MET: variants seen among roughly 807,000 people sequenced by gnomAD.
MET encodes hepatocyte growth factor receptor.
MET carries 48 observed loss-of-function variants against 133.1 expected under a neutral mutation model. That is an observed-to-expected ratio of 0.36 (90% CI 0.29 to 0.46). MET has a LOEUF of 0.46. Among genes scored for constraint, MET ranks in the 20% least tolerant of loss-of-function variants. MET has a pLI of 1.00. For missense variants in MET, 1,442 were observed against 1,695.9 expected (o/e 0.85, Z 2.63); for synonymous variants, 628 against 616.5 (o/e 1.02, Z -0.28).
rs1791464742 is a variant in MET at position 116,699,256 on chromosome 7, C to A, written c.172C>A (p.His58Asn). ...AACACCCATCCAGAATGTCATTCTA[C>A]ATGAGCATCACATTTTCCTTGGTGC... ...AETPIQNVILHEHHIFLGATN... is the reference protein window; with the variant it reads ...AETPIQNVILNEHHIFLGATN... Residue 58 changes from histidine to asparagine, a missense_variant, in exon 2 of 21, where the codon CAT (histidine) becomes AAT (asparagine). Transcript: ENST00000397752. 1 of 1,614,016 alleles carries A rather than the reference C, an allele frequency of 6.2e-7. No homozygotes were observed. The highest frequency in any genetic ancestry group is 1.3e-5 in the African/African-American group (1 of 75,024).
chr7:116,781,252 G>C (rs1406551909), intron 17 of MET, among the ~76,000 whole-genome samples: 1 of 152,062 alleles, frequency 6.6e-6, no homozygotes, highest in Non-Finnish European at 1.5e-5. Flanking sequence ...CTCTCTCTCT[G>C]CCTCTAGAGC....
At chr7:116,730,719 T>C (rs1208537624) in intron 2 of MET, among the ~76,000 whole-genome samples, 1 of 152,080 alleles carries the variant, frequency 6.6e-6, no homozygotes, top group Non-Finnish European at 1.5e-5. Flanking sequence ...ATTTCTGACT[T>C]GTGCACCTGG....
At chr7:116,732,667 C>T (rs565225885) in intron 3 of MET, among the ~76,000 whole-genome samples, 19 of 152,236 alleles carry the variant, frequency 1.2e-4, no homozygotes, top group South Asian at 2.1e-4. Context: ...AGGGAGATTT[C>T]GTAATTGTCT....
chr7:116,778,535 A>G (rs747055891), intron 16 of MET, among the ~76,000 whole-genome samples: 9 of 152,174 alleles, frequency 5.9e-5, no homozygotes, highest in African/African-American at 1.2e-4. Flanking sequence ...TTTATAGGAG[A>G]CAAACTGGTG....
chr7:116,794,039 G>C (rs1177266873), intron 19 of MET, among the ~76,000 whole-genome samples: 1 of 151,150 alleles, frequency 6.6e-6, no homozygotes, highest in Non-Finnish European at 1.5e-5. Flanking sequence ...CCACCTTACT[G>C]TCACTCTCTT....
chr7:116,710,549 C>T (rs935038749), intron 2 of MET, among the ~76,000 whole-genome samples: 16 of 152,148 alleles, frequency 1.1e-4, no homozygotes, highest in African/African-American at 3.6e-4. Context: ...TGCCTGCCTC[C>T]TGTCTCCATT....
chr7:116,743,728 G>A (rs1373404177), intron 5 of MET, among the ~76,000 whole-genome samples: 1 of 152,202 alleles, frequency 6.6e-6, no homozygotes, highest in Non-Finnish European at 1.5e-5. Flanking sequence ...TGACCCCTGT[G>A]CCTCCTGACT....
chr7:116,700,252 T>G lies in MET; in HGVS notation c.1168T>G (p.Tyr390Asp), dbSNP rs1791524001. 1 of 1,602,862 alleles carries G rather than the reference T, an allele frequency of 6.2e-7. No individual in the cohort carries two copies. The highest frequency in any genetic ancestry group is 1.3e-5 in the African/African-American group (1 of 74,262). The change falls in exon 2 of 21, where the codon TAC (tyrosine) becomes GAC (aspartate). Residue 390 changes from tyrosine to aspartate, a missense_variant. By Grantham distance (160) the Tyr-to-Asp change is radical. This residue lies in a region of MET where 762 missense variants were observed against 792.4 expected (regional missense o/e 0.96). Transcript: ENST00000397752. ...KNNVRCLQHF[Y>D]GPNHEHCFNR... ...CAATGTGAGATGTCTCCAGCATTTT[T>G]ACGGACCCAATCATGAGCACTGCTT...
In MET at chr7:116,771,544, A is replaced by C. The variant is rs1464316950; in HGVS notation, c.2777A>C (p.Gln926Pro). Residue 926 changes from glutamine to proline, a missense_variant, in exon 13 of 21, where the codon CAA (glutamine) becomes CCA (proline). By Grantham distance (76) the Gln-to-Pro change is moderately conservative (BLOSUM62 -1). This residue lies in a region of MET where 514 missense variants were observed against 659.6 expected (regional missense o/e 0.78). Coordinates refer to ENST00000397752, the MANE Select transcript of MET (RefSeq NM_000245.4). ...SSTVLGKVIV[Q>P]PDQNFTGLIA... ...ACCGTCCTTGGAAAAGTAATAGTTC[A>C]ACCAGATCAGAATTTCACAGGATTG... 1 of 1,613,800 alleles carries C rather than the reference A, an allele frequency of 6.2e-7. No homozygotes were observed. Among genetic ancestry groups the C allele is most frequent in the Non-Finnish European group, 8.5e-7 (1 of 1,179,830 alleles).
At position 116,766,787 on chromosome 7, in the gene MET, G is replaced by A. The variant is rs150976423; in HGVS notation, c.2584-2858G>A. ...CAGTTTCATAGTATCTAATAATAAA[G>A]ATAGTAAAAAATATATTCCTGTGGT... On this transcript the variant is annotated intron_variant, in intron 11 of 20. Transcript: ENST00000397752. Among the ~76,000 whole-genome samples the A allele has an allele frequency of 2.2e-3, 330 of 152,148 alleles. 1 individual carries two copies. The highest frequency in any genetic ancestry group is 4.0e-3 in the Non-Finnish European group (271 of 67,992).
At chr7:116,745,917 A>C (rs1793658799) in intron 5 of MET, among the ~76,000 whole-genome samples, 1 of 152,232 alleles carries the variant, frequency 6.6e-6, no homozygotes, top group East Asian at 1.9e-4. Flanking sequence ...AACAAAAGCC[A>C]AAATTGACAA....
intron 2 of MET, among the ~76,000 whole-genome samples, chr7:116,729,925 C>G (rs1341295607): frequency 6.6e-6 from 1 of 152,224 alleles, no homozygotes; most frequent in Non-Finnish European, 1.5e-5. Flanking sequence ...AGTTAATCAA[C>G]TACTGGCAAT....
intron 17 of MET, among the ~76,000 whole-genome samples, chr7:116,779,427 A>G (rs1197032056): frequency 1.3e-5 from 2 of 152,176 alleles, no homozygotes; most frequent in African/African-American, 4.8e-5. Flanking sequence ...TCTCCCCGCA[A>G]ATAGCCACGT....
At chr7:116,710,218 A>G (rs1463842202) in intron 2 of MET, among the ~76,000 whole-genome samples, 3 of 152,208 alleles carry the variant, frequency 2.0e-5, no homozygotes, top group African/African-American at 7.2e-5. Flanking sequence ...AAAGCACAAG[A>G]TCAATTCTGT....
In MET at chr7:116,797,398, GT is replaced by G; in HGVS notation, c.*1278del. 4.4e-6 allele frequency: 1 copy of G among 227,594 alleles called. No homozygotes were observed. 14.1% of individuals were successfully genotyped at this position (227,594 alleles called of 1,614,324 possible). On this transcript the variant is annotated 3_prime_UTR_variant, in exon 21 of 21. Transcript: ENST00000397752. The stretch of plus-strand genomic sequence containing the variant: ...CAATTGGAAACAAAACTTTTGGGGA[GT>G]TTTATTTTGCATTAGGGTGTGTTTT...
intron 6 of MET, among the ~76,000 whole-genome samples, chr7:116,755,951 G>A (rs1044938124): frequency 2.6e-5 from 4 of 152,194 alleles, no homozygotes; most frequent in Admixed American, 1.3e-4. Context: ...TAGTGAGGCA[G>A]CTGAATCACG....
At chr7:116,779,774 A>G (rs193198366) in intron 17 of MET, among the ~76,000 whole-genome samples, 1 of 152,330 alleles carries the variant, frequency 6.6e-6, no homozygotes, top group Non-Finnish European at 1.5e-5. Context: ...TATTGATTAC[A>G]TGCTGAAATA....
In MET at chr7:116,774,922, G is replaced by A. The variant is rs1584957724; in HGVS notation, c.3070G>A (p.Val1024Met). 4.3e-6 allele frequency: 7 copies of A among 1,614,128 alleles called. No homozygotes were observed. Among genetic ancestry groups the A allele is most frequent in the Non-Finnish European group, 5.9e-6 (7 of 1,179,988 alleles). ...ATCTCAGAACGGTTCATGCCGACAA[G>A]TGCAGTATCCTCTGACAGACATGTC... Reference protein sequence around the residue: ...NSSQNGSCRQVQYPLTDMSPI... With the variant: ...NSSQNGSCRQMQYPLTDMSPI... Residue 1024 changes from valine to methionine, a missense_variant, in exon 15 of 21, where the codon GTG becomes ATG. Transcript: ENST00000397752.
chr7:116,794,471 A>C (rs903612109), intron 19 of MET, among the ~76,000 whole-genome samples: 2 of 152,238 alleles, frequency 1.3e-5, no homozygotes, highest in Non-Finnish European at 2.9e-5. Flanking sequence ...AGCAGCCATC[A>C]AGGGTTCTTG....
Sources: allele counts gnomAD v4.1 joint callset (sites outside exome capture counted in the v4.1 genomes callset), GRCh38; gene constraint gnomAD v4.1.1; regional missense constraint gnomAD v4.1.1; transcripts MANE v1.5; gene names NCBI Gene and HGNC (gene_info 2026-07-23, HGNC 2026-07-21).